The following FAM107B variants were observed in gnomAD, a reference collection of about 807,000 sequenced individuals.
The protein encoded by FAM107B is protein FAM107B.
FAM107B carries 21 observed loss-of-function variants against 31.5 expected under a neutral mutation model. The observed-to-expected ratio is 0.67, with a 90% CI of 0.47 to 0.96. The LOEUF (loss-of-function observed/expected upper bound fraction) is 0.96, where lower values mean the gene tolerates loss of function less well. Among genes scored for constraint, FAM107B ranks in the 40% least tolerant of loss-of-function variants. The pLI, the probability that FAM107B is intolerant of heterozygous loss-of-function variation, is 0.00. For missense variants in FAM107B, 452 were observed against 377.1 expected (o/e 1.20, Z -1.64); for synonymous variants, 157 against 141.5 (o/e 1.11, Z -0.78).
At chr10:14,666,489 T>G (rs369472980) in intron 2 of FAM107B, among the ~76,000 whole-genome samples, 1 of 151,812 alleles carries the variant, frequency 6.6e-6, no homozygotes, top group Non-Finnish European at 1.5e-5. Context: ...CCACAACACA[T>G]GGGGATTATG....
chr10:14,763,769 G>A (rs1055617093), intron 1 of FAM107B, among the ~76,000 whole-genome samples: 1 of 152,156 alleles, frequency 6.6e-6, no homozygotes, highest in African/African-American at 2.4e-5. Context: ...CCCACCTAAA[G>A]CATCCAGCTT....
chr10:14,543,691 T>TAAAAAAA (rs11318873), intron 2 of FAM107B, among the ~76,000 whole-genome samples: 1 of 138,854 alleles, frequency 7.2e-6, no homozygotes, highest in Non-Finnish European at 1.5e-5. Flanking sequence ...CTAAAAACTT[T>TAAAAAAA]AAAAAAAAAA....
chr10:14,530,549 GT>G, intron 2 of FAM107B, 34 bp from the exon 3 acceptor site: 2 of 1,603,756 alleles, frequency 1.2e-6, no homozygotes, highest in Non-Finnish European at 8.5e-7. Context: ...CTCATTTGCA[GT>G]TTTTGCTAAG....
At position 14,677,539 on chromosome 10, in the gene FAM107B, C is replaced by T. The variant is rs1050040216; in HGVS notation, c.412-9848G>A. 3.5e-4 allele frequency among the ~76,000 whole-genome samples: 53 copies of T among 152,034 alleles called. 1 individual carries two copies. Among genetic ancestry groups the T allele is most frequent in the East Asian group, 1.9e-3 (10 of 5,154 alleles). ...GGCAGGCTGAGGCAGGAGAATGGCG[C>T]GAACCCGGGAGGCGGAGCTTGCAGT... On this transcript the variant is annotated intron_variant, in intron 1 of 4. Transcript: ENST00000181796.
chr10:14,731,173 G>A (rs1856163629), intron 1 of FAM107B, among the ~76,000 whole-genome samples: 2 of 152,140 alleles, frequency 1.3e-5, no homozygotes, highest in Non-Finnish European at 2.9e-5. Flanking sequence ...GTACCTAGGT[G>A]TCAATACTAA....
chr10:14,683,472 C>T (rs1243518209), intron 1 of FAM107B, among the ~76,000 whole-genome samples: 2 of 152,172 alleles, frequency 1.3e-5, no homozygotes, highest in Admixed American at 1.3e-4. Flanking sequence ...AATTTCAGAA[C>T]CAGTTGTGTA....
In FAM107B at chr10:14,617,385, T is replaced by C. The variant is rs572479161; in HGVS notation, c.469+50249A>G. Among the ~76,000 whole-genome samples the C allele has an allele frequency of 2.7e-4, 41 of 152,278 alleles. No homozygotes were observed. The South Asian group carries it at 7.2e-3, about 27-fold the overall frequency. On this transcript the variant is annotated intron_variant, in intron 2 of 4. Transcript: ENST00000181796. ...AATCCCTGGAGAGGATACATGTCTC[T>C]CAAACTTGCAACAGGAAGTGAGGGA...
At chr10:14,674,590 C>T (rs376097764) in intron 1 of FAM107B, among the ~76,000 whole-genome samples, 22 of 152,144 alleles carry the variant, frequency 1.4e-4, no homozygotes, top group Non-Finnish European at 2.6e-4. Flanking sequence ...GAGCACTTAG[C>T]GTGAGTACAA....
Position 14,660,117 on chromosome 10 carries a change from A to G in FAM107B, c.469+7517T>C, listed in dbSNP as rs140315745. Among the ~76,000 whole-genome samples, 477 of 152,278 alleles carry G rather than the reference A, an allele frequency of 3.1e-3. 8 individuals carry two copies. The East Asian group carries it at 0.049, about 16-fold the overall frequency. On this transcript the variant is annotated intron_variant, in intron 2 of 4. Transcript: ENST00000181796. ...GGTGTTCTGATGAAACCCTTTGACC[A>G]TAACCAACAGCCTCCAACTTACAGG...
rs139984910 is a variant in FAM107B at position 14,728,551 on chromosome 10, T to G, written c.411+45702A>C. On this transcript the variant is annotated intron_variant, in intron 1 of 4. Coordinates refer to ENST00000181796, the MANE Select transcript of FAM107B (RefSeq NM_031453.4). ...TGTGGGTTATCCATCACTGAAAGCTTGTCAACAGCTTCCCCACCCTGATAT... is the reference window on the plus strand; with the variant it reads ...TGTGGGTTATCCATCACTGAAAGCTGGTCAACAGCTTCCCCACCCTGATAT... Among the ~76,000 whole-genome samples the G allele has an allele frequency of 3.4e-3, 523 of 152,250 alleles. 12 individuals carry two copies. The East Asian group carries it at 0.046, about 13-fold the overall frequency.
chr10:14,568,839 G>A (rs1261642084), intron 2 of FAM107B, among the ~76,000 whole-genome samples: 1 of 151,764 alleles, frequency 6.6e-6, no homozygotes, highest in East Asian at 1.9e-4. Flanking sequence ...GCAGTCCCAG[G>A]AACCTGGAAG....
intron 2 of FAM107B, among the ~76,000 whole-genome samples, chr10:14,630,956 T>C (rs1313571733): frequency 2.6e-5 from 4 of 152,176 alleles, no homozygotes; most frequent in Admixed American, 2.0e-4. Context: ...TATAGGAATC[T>C]AGTCTGCTTG....
chr10:14,536,758 T>A (rs950488490), intron 2 of FAM107B, among the ~76,000 whole-genome samples: 4 of 152,112 alleles, frequency 2.6e-5, no homozygotes, highest in African/African-American at 9.7e-5. Flanking sequence ...GCAGAGACGT[T>A]ATTGTTTCAT....
At chr10:14,621,813 G>A (rs567474212) in intron 2 of FAM107B, among the ~76,000 whole-genome samples, 1 of 152,066 alleles carries the variant, frequency 6.6e-6, no homozygotes, top group African/African-American at 2.4e-5. Context: ...TGCTGAAAGC[G>A]GAGTATAACG....
chr10:14,544,915 T>C (rs1411376007), intron 2 of FAM107B, among the ~76,000 whole-genome samples: 1 of 152,166 alleles, frequency 6.6e-6, no homozygotes, highest in Non-Finnish European at 1.5e-5. Flanking sequence ...TACGTGTGTG[T>C]CTGTGTGTAC....
At chr10:14,572,141 T>C in intron 2 of FAM107B, 2 of 985,304 alleles carry the variant, frequency 2.0e-6, no homozygotes, top group South Asian at 4.7e-5. Flanking sequence ...AAGCAGGAAC[T>C]GTATGCAACT....
At chr10:14,604,924 G>C (rs539038048) in intron 2 of FAM107B, among the ~76,000 whole-genome samples, 3 of 149,598 alleles carry the variant, frequency 2.0e-5, no homozygotes, top group South Asian at 2.1e-4. Flanking sequence ...TTCTCTCTCT[G>C]TGCTCACCCC....
At chr10:14,634,197 C>G (rs1853438128) in intron 2 of FAM107B, among the ~76,000 whole-genome samples, 1 of 152,062 alleles carries the variant, frequency 6.6e-6, no homozygotes, top group African/African-American at 2.4e-5. Flanking sequence ...GAGATTGAGA[C>G]CATCCTGGCT....
chr10:14,684,877 G>A (rs1029955421), intron 1 of FAM107B, among the ~76,000 whole-genome samples: 2 of 151,804 alleles, frequency 1.3e-5, no homozygotes, highest in Non-Finnish European at 2.9e-5. Context: ...CTGGAGTGCA[G>A]GGGAGCAATC....
Sources: gnomAD v4.1 joint callset for allele counts (sites outside exome capture counted in the v4.1 genomes callset) on GRCh38, gnomAD v4.1.1 for gene constraint, MANE v1.5 for transcripts, NCBI Gene and HGNC (gene_info 2026-07-23, HGNC 2026-07-21) for gene names.